The following TMEM132C variants were observed in gnomAD, a reference collection of about 807,000 sequenced individuals.
TMEM132C encodes protein phosphatase 1, regulatory subunit 152.
A neutral mutation model predicts 61.4 loss-of-function variants in TMEM132C; 29 were observed. That is an observed-to-expected ratio of 0.47 (90% CI 0.35 to 0.64). The LOEUF (loss-of-function observed/expected upper bound fraction) is 0.64. Among genes scored for constraint, TMEM132C ranks in the 30% least tolerant of loss-of-function variants. TMEM132C has a pLI of 0.00. For missense variants in TMEM132C, 1,408 were observed against 1,476.9 expected (o/e 0.95, Z 0.76); for synonymous variants, 656 against 633.1 (o/e 1.04, Z -0.54).
At chr12:128,361,075 T>A (rs916953416) in intron 1 of TMEM132C, among the ~76,000 whole-genome samples, 1 of 151,844 alleles carries the variant, frequency 6.6e-6, no homozygotes, top group Non-Finnish European at 1.5e-5. Flanking sequence ...GGTGCAGGAG[T>A]TGGGCAGGGG....
chr12:128,551,209 G>GCCC (rs377410290), intron 3 of TMEM132C, among the ~76,000 whole-genome samples: 2 of 147,218 alleles, frequency 1.4e-5, no homozygotes, highest in African/African-American at 5.3e-5. Flanking sequence ...AAACATAAGA[G>GCCC]CCCCCCCCCT....
chr12:128,394,583 A>G (rs1433827632), intron 1 of TMEM132C, among the ~76,000 whole-genome samples: 2 of 152,220 alleles, frequency 1.3e-5, no homozygotes, highest in Non-Finnish European at 1.5e-5. Flanking sequence ...CCCAACATCT[A>G]GTGACTCCTT....
intron 2 of TMEM132C, among the ~76,000 whole-genome samples, chr12:128,472,597 A>G (rs1870989379): frequency 6.6e-6 from 1 of 152,196 alleles, no homozygotes; most frequent in South Asian, 2.1e-4. Context: ...AGACCTTTCT[A>G]TATCATGTTT....
chr12:128,385,644 C>T (rs567656704), intron 1 of TMEM132C, among the ~76,000 whole-genome samples: 5 of 152,262 alleles, frequency 3.3e-5, no homozygotes, highest in South Asian at 2.1e-4. Context: ...ATTTTAGCAT[C>T]CTTTAAGTCA....
At chr12:128,382,689 T>C (rs1874440517) in intron 1 of TMEM132C, among the ~76,000 whole-genome samples, 1 of 152,214 alleles carries the variant, frequency 6.6e-6, no homozygotes, top group Non-Finnish European at 1.5e-5. Flanking sequence ...AGTCTTCCTT[T>C]CAACTCTCCG....
chr12:128,693,213 A>G (rs1402429821), intron 5 of TMEM132C, among the ~76,000 whole-genome samples: 2 of 152,144 alleles, frequency 1.3e-5, no homozygotes, highest in East Asian at 3.9e-4. Flanking sequence ...AGTGAGAATC[A>G]TGCTGGGGAG....
chr12:128,345,009 A>G (rs896702124), intron 1 of TMEM132C, among the ~76,000 whole-genome samples: 1 of 149,724 alleles, frequency 6.7e-6, no homozygotes, highest in South Asian at 2.1e-4. Context: ...CCCATCACCC[A>G]GGTATTAAGT....
intron 1 of TMEM132C, among the ~76,000 whole-genome samples, chr12:128,344,674 A>G (rs1215964844): frequency 6.6e-6 from 1 of 152,184 alleles, no homozygotes; most frequent in Non-Finnish European, 1.5e-5. Context: ...TTCTGTTTGC[A>G]GTGGTGTCTC....
In TMEM132C at chr12:128,562,455, A is replaced by G. The variant is rs138491743; in HGVS notation, c.1121+18352A>G. 4.9e-3 allele frequency among the ~76,000 whole-genome samples: 747 copies of G among 152,220 alleles called. 4 individuals are homozygous for G. The highest frequency in any genetic ancestry group is 0.015 in the African/African-American group (619 of 41,526). On this transcript the variant is annotated intron_variant, in intron 3 of 8. Coordinates refer to ENST00000435159, the MANE Select transcript of TMEM132C (RefSeq NM_001136103.3). ...GTTTTCAGCATCACATTAATTCTTC[A>G]TAAGTGGTCCTTATTATTCCCTGCT...
chr12:128,496,699 C>T (rs111815214), intron 2 of TMEM132C, among the ~76,000 whole-genome samples: 20 of 152,330 alleles, frequency 1.3e-4, no homozygotes, highest in Admixed American at 4.6e-4. Context: ...CATTTAAGGA[C>T]TTCACTACAC....
rs61938447 is a variant in TMEM132C, at chr12:128,385,344, C to T, written c.86-29388C>T. Among the ~76,000 whole-genome samples, 896 of 95,654 alleles carry T rather than the reference C, an allele frequency of 9.4e-3. 1 individual carries two copies. The highest frequency in any genetic ancestry group is 0.025 in the South Asian group (57 of 2,272). The allele number at this position is 95,654 out of a possible 152,430, so 62.8% of individuals were successfully genotyped here. A position where few individuals can be genotyped will look rare whatever the true frequency, so the allele number is the denominator to read the frequency against. ...TCATTGTAAAGATTTAAGACATAAA[C>T]GCCGAGTCCTCGCACAGAGCCTGAT... On this transcript the variant is annotated intron_variant, in intron 1 of 8. Transcript: ENST00000435159.
chr12:128,658,086 G>A (rs1020420646), intron 4 of TMEM132C, among the ~76,000 whole-genome samples: 1 of 129,210 alleles, frequency 7.7e-6, no homozygotes, highest in African/African-American at 2.9e-5. Flanking sequence ...GAGCAGGGAC[G>A]CAGCTCCCAT....
Position 128,488,760 on chromosome 12 carries a change from T to G in TMEM132C, c.975-55197T>G, listed in dbSNP as rs1871597390. On this transcript the variant is annotated intron_variant, in intron 2 of 8. Coordinates refer to ENST00000435159, the MANE Select transcript of TMEM132C (RefSeq NM_001136103.3). Reference sequence around the variant, plus strand: ...CTGTTCCTACAACTAGAAAATGACTTTCTTCAAACGTCAAAAACTTTCTTT... The same window carrying G: ...CTGTTCCTACAACTAGAAAATGACTGTCTTCAAACGTCAAAAACTTTCTTT... 2.6e-5 allele frequency among the ~76,000 whole-genome samples: 4 copies of G among 152,022 alleles called. No individual in the cohort carries two copies. The South Asian group carries it at 8.3e-4, about 32-fold the overall frequency.
chr12:128,696,516 G>A (rs1415877114), intron 7 of TMEM132C, among the ~76,000 whole-genome samples: 5 of 152,140 alleles, frequency 3.3e-5, no homozygotes, highest in African/African-American at 1.2e-4. Context: ...CCTTCTTTCA[G>A]TCATTCTGTC....
chr12:128,638,332 C>T (rs1399991685), intron 4 of TMEM132C, among the ~76,000 whole-genome samples: 2 of 152,164 alleles, frequency 1.3e-5, no homozygotes, highest in African/African-American at 4.8e-5. Context: ...GGCACCTAAC[C>T]AGAGGAAGTC....
At position 128,360,756 on chromosome 12, in the gene TMEM132C, G is replaced by A. The variant is rs150766785; in HGVS notation, c.86-53976G>A. 3.5e-3 allele frequency among the ~76,000 whole-genome samples: 528 copies of A among 152,292 alleles called. 4 individuals carry two copies. The highest frequency in any genetic ancestry group is 4.6e-3 in the South Asian group (22 of 4,824). On this transcript the variant is annotated intron_variant, in intron 1 of 8. Coordinates refer to ENST00000435159, the MANE Select transcript of TMEM132C (RefSeq NM_001136103.3). Reference sequence around the variant, plus strand: ...AATGAATGAATTTTCCATCACGGAAGCTTTAGACCTTAGGAGCCGCCTTGA... The same window carrying A: ...AATGAATGAATTTTCCATCACGGAAACTTTAGACCTTAGGAGCCGCCTTGA...
intron 3 of TMEM132C, among the ~76,000 whole-genome samples, chr12:128,611,662 C>T (rs1018173723): frequency 1.3e-5 from 2 of 152,180 alleles, no homozygotes; most frequent in Non-Finnish European, 2.9e-5. Flanking sequence ...GGAGGGAAAC[C>T]TTCTAAGCCA....
intron 2 of TMEM132C, among the ~76,000 whole-genome samples, chr12:128,527,778 C>T (rs1873140276): frequency 6.6e-6 from 1 of 151,740 alleles, no homozygotes; most frequent in Non-Finnish European, 1.5e-5. Context: ...AAAAGCATGG[C>T]ATCAGGGCAA....
In TMEM132C at chr12:128,630,354, C is replaced by T. The variant is rs1387783878; in HGVS notation, c.1305+14019C>T. Among the ~76,000 whole-genome samples, 3 of 152,190 alleles carry T rather than the reference C, an allele frequency of 2.0e-5. No individual in the cohort carries two copies. Among genetic ancestry groups the T allele is most frequent in the South Asian group, 2.1e-4 (1 of 4,826 alleles). On this transcript the variant is annotated intron_variant, in intron 4 of 8. Transcript: ENST00000435159. The surrounding 1 kb of genome is among the most constrained non-coding windows in gnomAD (Gnocchi z 4.3). The stretch of plus-strand genomic sequence containing the variant: ...TAAGCCAAATCAGCGTAGTTAGAAC[C>T]TGGGCCTGTGTTTATAGTTCACTGC...
Sources: gnomAD v4.1 joint callset for allele counts (sites outside exome capture counted in the v4.1 genomes callset) on GRCh38, gnomAD v4.1.1 for gene constraint, Gnocchi (gnomAD v3.1) non-coding constraint, MANE v1.5 for transcripts, NCBI Gene and HGNC (gene_info 2026-07-23, HGNC 2026-07-21) for gene names.